The following SARDH variants were observed in gnomAD, a reference collection of about 807,000 sequenced individuals.
SARDH encodes sarcosine dehydrogenase, mitochondrial.
SARDH carries 95 observed loss-of-function variants against 109.1 expected under a neutral mutation model. The ratio of observed to expected loss-of-function variants is 0.87; its 90% confidence interval spans 0.74 to 1.03. The LOEUF (loss-of-function observed/expected upper bound fraction) is 1.03, where lower values mean the gene tolerates loss of function less well. Ranked by LOEUF, SARDH falls within the 50% of genes least tolerant of loss-of-function variation. SARDH has a pLI of 0.00. For synonymous variants in SARDH, 572 were observed against 534.8 expected (o/e 1.07, Z -0.96); for missense variants, 1,267 against 1,287.8 (o/e 0.98, Z 0.25).
intron 17 of SARDH, among the ~76,000 whole-genome samples, chr9:133,678,370 C>T (rs1354024055): frequency 3.9e-5 from 6 of 152,200 alleles, no homozygotes; most frequent in Non-Finnish European, 8.8e-5. Flanking sequence ...CCTCCTCATC[C>T]CCTCTTGTCT....
intron 14 of SARDH, among the ~76,000 whole-genome samples, chr9:133,695,348 C>T (rs1196935484): frequency 6.6e-6 from 1 of 152,220 alleles, no homozygotes; most frequent in African/African-American, 2.4e-5. Flanking sequence ...GAGGCTGAGG[C>T]ATGAGAATCA....
In SARDH at chr9:133,691,169, A is replaced by AACACACACACAC. The variant is rs3081171; in HGVS notation, c.1922-654_1922-643dup. ...ACAGACACCCTACCTCACCTCCCCC[A>AACACACACACAC]ACACACACACACACACACACACACA... On this transcript the variant is annotated intron_variant, in intron 15 of 20. Coordinates refer to ENST00000439388, the MANE Select transcript of SARDH (RefSeq NM_001134707.2). 2.7e-3 allele frequency among the ~76,000 whole-genome samples: 305 copies of AACACACACACAC among 112,188 alleles called. 4 individuals carry two copies. The highest frequency in any genetic ancestry group is 9.9e-3 in the African/African-American group (276 of 27,820). The allele number at this position is 112,188 out of a possible 152,430, so 73.6% of individuals were successfully genotyped here.
At chr9:133,688,977 G>A (rs1303804884) in intron 16 of SARDH, among the ~76,000 whole-genome samples, 2 of 152,232 alleles carry the variant, frequency 1.3e-5, no homozygotes, top group Non-Finnish European at 2.9e-5. Flanking sequence ...GACAGCAACA[G>A]CTCGGTCCCT....
At chr9:133,665,776 G>A (rs530204444) in intron 20 of SARDH, among the ~76,000 whole-genome samples, 2 of 152,286 alleles carry the variant, frequency 1.3e-5, no homozygotes, top group South Asian at 2.1e-4. Flanking sequence ...AGGCTGCTCC[G>A]TCTCCAGCCT....
At chr9:133,735,233 C>T (rs1054935237) in intron 1 of SARDH, among the ~76,000 whole-genome samples, 1 of 152,148 alleles carries the variant, frequency 6.6e-6, no homozygotes, top group Non-Finnish European at 1.5e-5. Context: ...GGGACTAAGG[C>T]GGAAGCTGAT....
At chr9:133,691,805 AAAGT>A (rs1831107644) in intron 15 of SARDH, among the ~76,000 whole-genome samples, 1 of 152,172 alleles carries the variant, frequency 6.6e-6, no homozygotes, top group Non-Finnish European at 1.5e-5. Context: ...TTGAAGCCTG[AAAGT>A]AAAGCAAAGC....
chr9:133,724,188 A>T (rs1002185469), intron 6 of SARDH, among the ~76,000 whole-genome samples: 1 of 152,226 alleles, frequency 6.6e-6, no homozygotes, highest in Admixed American at 6.5e-5. Flanking sequence ...TCTGGGGGAA[A>T]AAAAGAAAGG....
intron 17 of SARDH, among the ~76,000 whole-genome samples, chr9:133,681,840 C>T (rs1830705617): frequency 1.3e-5 from 2 of 152,144 alleles, no homozygotes; most frequent in East Asian, 1.9e-4. Flanking sequence ...ACCTCCCCGC[C>T]GCCTATTTCC....
At chr9:133,708,767 G>A (rs1831802234) in intron 10 of SARDH, among the ~76,000 whole-genome samples, 1 of 152,264 alleles carries the variant, frequency 6.6e-6, no homozygotes, top group African/African-American at 2.4e-5. Flanking sequence ...GTCCTGGGGT[G>A]CCCCTACATG....
intron 12 of SARDH, chr9:133,703,412 G>T (rs1379026180): frequency 7.1e-6 from 2 of 282,512 alleles, no homozygotes; most frequent in Non-Finnish European, 1.4e-5. Context: ...CCTGCGGGAA[G>T]CGTCTTACAC....
chr9:133,702,004 T>C (rs1396468024), intron 13 of SARDH, among the ~76,000 whole-genome samples: 1 of 152,192 alleles, frequency 6.6e-6, no homozygotes, highest in Non-Finnish European at 1.5e-5. Flanking sequence ...GACTTGCGAC[T>C]GGCCTAGAGG....
intron 13 of SARDH, 26 bp from the exon 14 acceptor site, chr9:133,696,387 T>C: frequency 6.2e-6 from 10 of 1,613,778 alleles, no homozygotes; most frequent in Non-Finnish European, 8.5e-6. Context: ...CAGGTGGGAA[T>C]GCCACGGGGG....
chr9:133,669,606 G>A (rs189535298), intron 19 of SARDH, among the ~76,000 whole-genome samples: 322 of 152,122 alleles, frequency 2.1e-3, no homozygotes, highest in African/African-American at 7.1e-3. Context: ...CACGTGCGCC[G>A]GGCTCCAGCA....
At chr9:133,723,842 G>A (rs1408773920) in intron 6 of SARDH, among the ~76,000 whole-genome samples, 2 of 152,158 alleles carry the variant, frequency 1.3e-5, no homozygotes, top group Non-Finnish European at 2.9e-5. Context: ...CAATTCCTTG[G>A]GGGAAGCAGA....
intron 17 of SARDH, among the ~76,000 whole-genome samples, chr9:133,680,265 G>A (rs1412682436): frequency 1.3e-5 from 2 of 152,204 alleles, no homozygotes; most frequent in Admixed American, 6.5e-5. Flanking sequence ...TGGGAAGCCA[G>A]GCTTCTGGCC....
intron 13 of SARDH, among the ~76,000 whole-genome samples, chr9:133,697,878 C>G (rs928556436): frequency 2.6e-4 from 40 of 151,940 alleles, no homozygotes; most frequent in Admixed American, 1.5e-3. Flanking sequence ...CAACATTGCA[C>G]TGGAGGCTCT....
In SARDH at chr9:133,732,437, T is replaced by C. The variant is rs1360107959; in HGVS notation, c.496A>G (p.Lys166Glu). ...ASNRQRLDEY[K>E]RLMSLGKAYG... ...GGAGCACACACCGACATGAGCCTCT[T>C]GTACTCGTCCAGGCGCTGCCGGTTG... Residue 166 changes from lysine to glutamate, a missense_variant, in exon 3 of 21, where the codon AAG (lysine) becomes GAG (glutamate). Lys to Glu is a moderately conservative substitution (Grantham distance 56). Coordinates refer to ENST00000439388, the MANE Select transcript of SARDH (RefSeq NM_001134707.2). 2.8e-6 allele frequency: 4 copies of C among 1,407,040 alleles called. No individual in the cohort carries two copies. Among genetic ancestry groups the C allele is most frequent in the Non-Finnish European group, 3.8e-6 (4 of 1,049,012 alleles). 87.2% of individuals were successfully genotyped at this position (1,407,040 alleles called of 1,614,324 possible).
At position 133,670,465 on chromosome 9, in the gene SARDH, AT is replaced by A. The variant is rs1313387889; in HGVS notation, c.2495+118del. On this transcript the variant is annotated intron_variant, in intron 19 of 20. Transcript: ENST00000439388. The stretch of plus-strand genomic sequence containing the variant: ...GCTGTTGGGTGCGTTCTGGAAGAGC[AT>A]GGCTGGCACATGGGAAGTGTTGGTA... 7 of 1,138,056 alleles carry A rather than the reference AT, an allele frequency of 6.2e-6. No homozygotes were observed. The Admixed American group carries it at 1.8e-4, about 29-fold the overall frequency. 70.5% of individuals were successfully genotyped at this position (1,138,056 alleles called of 1,614,324 possible). A position where few individuals can be genotyped will look rare whatever the true frequency, so the allele number is the denominator to read the frequency against.
At chr9:133,738,454 T>A (rs1218837150), upstream of SARDH, 1 of 152,120 alleles carries the variant, frequency 6.6e-6, no homozygotes, top group Admixed American at 6.5e-5. Context: ...CCAGCTTAGT[T>A]GGGGCTTCTA....
Sources: gnomAD v4.1 joint callset for allele counts (sites outside exome capture counted in the v4.1 genomes callset) on GRCh38, gnomAD v4.1.1 for gene constraint, MANE v1.5 for transcripts, NCBI Gene and HGNC (gene_info 2026-07-23, HGNC 2026-07-21) for gene names.